Variants in TBC1D5 observed in about 807,000 individuals in gnomAD.
TBC1D5 encodes TBC1 domain family member 5.
In TBC1D5, 75 loss-of-function variants were observed where a neutral mutation model predicts 100.3. That is an observed-to-expected ratio of 0.75 (90% CI 0.62 to 0.91). The LOEUF is 0.91. Among genes scored for constraint, TBC1D5 ranks in the 40% least tolerant of loss-of-function variants. The probability of loss-of-function intolerance (pLI) is 0.00; values close to 1 mark genes in which losing one functional copy is unlikely to be tolerated. For missense variants in TBC1D5, 910 were observed against 942.4 expected, an observed-to-expected ratio of 0.97 and a Z score of 0.45; for synonymous variants, 323 against 325.6, an observed-to-expected ratio of 0.99 and a Z score of 0.09.
intron 2 of TBC1D5, among the ~76,000 whole-genome samples, chr3:17,525,002 T>C (rs953607414): frequency 6.6e-6 from 1 of 151,808 alleles, no homozygotes; most frequent in African/African-American, 2.4e-5. Flanking sequence ...TATGACCCCA[T>C]TATTTTATAA....
chr3:17,433,268 AC>A (rs2094476672), intron 3 of TBC1D5, among the ~76,000 whole-genome samples: 1 of 152,222 alleles, frequency 6.6e-6, no homozygotes, highest in African/African-American at 2.4e-5. Context: ...GCCAAACTAA[AC>A]ACCCGATATA....
At chr3:17,557,628 G>A (rs1273177348) in intron 2 of TBC1D5, among the ~76,000 whole-genome samples, 1 of 152,066 alleles carries the variant, frequency 6.6e-6, no homozygotes, top group Non-Finnish European at 1.5e-5. Context: ...ACTGCTCACT[G>A]CTGCCTCAAC....
chr3:17,254,914 G>T (rs1263988306), intron 16 of TBC1D5, among the ~76,000 whole-genome samples: 1 of 152,090 alleles, frequency 6.6e-6, no homozygotes, highest in African/African-American at 2.4e-5. Context: ...AAACATTGTG[G>T]GCATAACAGG....
chr3:17,296,376 T>C (rs1280781758), intron 14 of TBC1D5, among the ~76,000 whole-genome samples: 1 of 152,082 alleles, frequency 6.6e-6, no homozygotes, highest in Non-Finnish European at 1.5e-5. Context: ...CTGAAAAAAA[T>C]ATTTGTTGAG....
chr3:17,375,047 C>T (rs2092648087), intron 10 of TBC1D5, among the ~76,000 whole-genome samples: 1 of 151,920 alleles, frequency 6.6e-6, no homozygotes, highest in African/African-American at 2.4e-5. Context: ...AATATCAAAA[C>T]ATTGATTTAT....
chr3:17,229,805 A>G (rs945205320), intron 17 of TBC1D5, among the ~76,000 whole-genome samples: 1 of 152,114 alleles, frequency 6.6e-6, no homozygotes, highest in African/African-American at 2.4e-5. Flanking sequence ...TCCCCATCTC[A>G]TAAGGGTTGT....
chr3:17,415,221 A>G (rs1036941942), intron 4 of TBC1D5, among the ~76,000 whole-genome samples: 1 of 152,120 alleles, frequency 6.6e-6, no homozygotes, highest in Non-Finnish European at 1.5e-5. Flanking sequence ...CAGTGGCGCT[A>G]TCTCTGCTCA....
At chr3:17,407,595 T>A (rs1243733870) in intron 4 of TBC1D5, among the ~76,000 whole-genome samples, 1 of 152,146 alleles carries the variant, frequency 6.6e-6, no homozygotes, top group Non-Finnish European at 1.5e-5. Flanking sequence ...AAGGATAATC[T>A]TGCATACTAT....
chr3:17,196,759 G>A (rs1355640942), intron 18 of TBC1D5, among the ~76,000 whole-genome samples: 1 of 152,204 alleles, frequency 6.6e-6, no homozygotes. Context: ...TATGTAGAGT[G>A]TAACCTTTCT....
At chr3:17,655,587 G>A (rs1560388578) in intron 1 of TBC1D5, among the ~76,000 whole-genome samples, 1 of 151,922 alleles carries the variant, frequency 6.6e-6, no homozygotes, top group South Asian at 2.1e-4. Context: ...TCCTAATAAT[G>A]AGAAAACAAT....
chr3:17,642,346 T>C (rs1263082852), intron 1 of TBC1D5, among the ~76,000 whole-genome samples: 2 of 152,112 alleles, frequency 1.3e-5, no homozygotes, highest in Non-Finnish European at 2.9e-5. Flanking sequence ...TCATGTTTAG[T>C]TGATGTGATC....
intron 3 of TBC1D5, among the ~76,000 whole-genome samples, chr3:17,454,438 A>T (rs2095003672): frequency 6.6e-6 from 1 of 152,168 alleles, no homozygotes; most frequent in African/African-American, 2.4e-5. Flanking sequence ...ATACAAAATC[A>T]ACATATAAAA....
At chr3:17,421,047 G>C (rs17043615) in intron 4 of TBC1D5, among the ~76,000 whole-genome samples, 3,414 of 152,240 alleles carry the variant, frequency 0.022, 122 homozygotes, top group African/African-American at 0.077. Context: ...GATAATTAGG[G>C]CTGTGAATGC....
At chr3:17,378,449 T>C (rs1575597543) in intron 9 of TBC1D5, among the ~76,000 whole-genome samples, 1 of 152,012 alleles carries the variant, frequency 6.6e-6, no homozygotes, top group East Asian at 1.9e-4. Context: ...ATAGTTTATT[T>C]AAATGCTAGC....
chr3:17,719,991 A>C (rs1371777726), intron 1 of TBC1D5, among the ~76,000 whole-genome samples: 1 of 135,208 alleles, frequency 7.4e-6, no homozygotes, highest in Non-Finnish European at 1.6e-5. Flanking sequence ...CACTGCATGA[A>C]TACTAATATC....
At chr3:17,255,115 G>C (rs778759257) in intron 16 of TBC1D5, among the ~76,000 whole-genome samples, 26 of 152,180 alleles carry the variant, frequency 1.7e-4, no homozygotes, top group Non-Finnish European at 3.7e-4. Context: ...GAGAAGAAAA[G>C]AAGTGTGGGG....
intron 18 of TBC1D5, among the ~76,000 whole-genome samples, chr3:17,209,324 AT>A (rs922307619): frequency 6.6e-6 from 1 of 151,832 alleles, no homozygotes; most frequent in African/African-American, 2.4e-5. Flanking sequence ...TTAAAAACAA[AT>A]TTTTTTTGTA....
chr3:17,480,128 G>A (rs2095484763), intron 3 of TBC1D5, among the ~76,000 whole-genome samples: 2 of 152,222 alleles, frequency 1.3e-5, no homozygotes, highest in African/African-American at 4.8e-5. Flanking sequence ...ACATAGGGCG[G>A]CACTGTCATG....
chr3:17,383,266 T>C (rs2093022195), intron 9 of TBC1D5, among the ~76,000 whole-genome samples: 2 of 151,918 alleles, frequency 1.3e-5, no homozygotes, highest in Admixed American at 1.3e-4. Flanking sequence ...GAATTCTCAC[T>C]TAATTTGCAT....
Sources: allele counts gnomAD v4.1 joint callset (sites outside exome capture counted in the v4.1 genomes callset), GRCh38; gene constraint gnomAD v4.1.1; transcripts MANE v1.5; gene names NCBI Gene and HGNC (gene_info 2026-07-23, HGNC 2026-07-21).